ARHGAP10: variants seen among roughly 807,000 people sequenced by gnomAD.
ARHGAP10 encodes the protein rho GTPase-activating protein 10.
A neutral mutation model predicts 108.6 loss-of-function variants in ARHGAP10; 87 were observed. The ratio of observed to expected loss-of-function variants is 0.80; its 90% CI spans 0.67 to 0.96. The LOEUF is 0.96. Among genes scored for constraint, ARHGAP10 ranks in the 40% least tolerant of loss-of-function variants. The pLI, the probability that ARHGAP10 is intolerant of heterozygous loss-of-function variation, is 0.00. For synonymous variants in ARHGAP10, 347 were observed against 341.1 expected (o/e 1.02, Z -0.19); for missense variants, 939 against 954.5 (o/e 0.98, Z 0.21).
At chr4:147,743,717 C>T (rs1247342627) in intron 1 of ARHGAP10, among the ~76,000 whole-genome samples, 5 of 152,246 alleles carry the variant, frequency 3.3e-5, no homozygotes, top group South Asian at 4.1e-4. Flanking sequence ...GCAGAGGTTG[C>T]GGTGAGCCAA....
chr4:147,846,653 A>G (rs1437614331), intron 3 of ARHGAP10, among the ~76,000 whole-genome samples: 1 of 152,182 alleles, frequency 6.6e-6, no homozygotes, highest in Non-Finnish European at 1.5e-5. Context: ...CAGTGACTCT[A>G]CTTTGCTAAT....
At chr4:147,791,256 C>G (rs1307008799) in intron 1 of ARHGAP10, among the ~76,000 whole-genome samples, 1 of 151,562 alleles carries the variant, frequency 6.6e-6, no homozygotes, top group African/African-American at 2.4e-5. Context: ...GGATTACAAG[C>G]GCCTGCCACC....
intron 3 of ARHGAP10, among the ~76,000 whole-genome samples, chr4:147,846,170 T>A (rs1444764970): frequency 6.6e-6 from 1 of 152,186 alleles, no homozygotes; most frequent in Non-Finnish European, 1.5e-5. Flanking sequence ...ATTTTGAGTG[T>A]TCCCTACGTT....
At chr4:147,837,946 C>T (rs543410231) in intron 3 of ARHGAP10, among the ~76,000 whole-genome samples, 14 of 152,104 alleles carry the variant, frequency 9.2e-5, no homozygotes, top group African/African-American at 2.2e-4. Flanking sequence ...AACTTGAACA[C>T]GTATACTTTT....
chr4:147,915,705 AAT>A (rs1180924340), intron 13 of ARHGAP10, among the ~76,000 whole-genome samples: 1 of 152,160 alleles, frequency 6.6e-6, no homozygotes, highest in African/African-American at 2.4e-5. Context: ...TTTCTTTTTG[AAT>A]ATTTTTCCCC....
chr4:147,778,800 G>T (rs1730413626), intron 1 of ARHGAP10, among the ~76,000 whole-genome samples: 1 of 152,246 alleles, frequency 6.6e-6, no homozygotes, highest in South Asian at 2.1e-4. Flanking sequence ...TTTAATAAGT[G>T]TTGAGTGAGT....
chr4:147,918,319 TAG>T (rs1416741017), intron 13 of ARHGAP10, among the ~76,000 whole-genome samples: 1 of 151,950 alleles, frequency 6.6e-6, no homozygotes, highest in Non-Finnish European at 1.5e-5. Flanking sequence ...GTATTTTTAG[TAG>T]AGACAGGGTT....
At chr4:147,835,237 T>A (rs1346279500) in intron 3 of ARHGAP10, among the ~76,000 whole-genome samples, 2 of 152,218 alleles carry the variant, frequency 1.3e-5, no homozygotes, top group Non-Finnish European at 2.9e-5. Flanking sequence ...TTTTCAACCC[T>A]GCAGCCCTTG....
intron 18 of ARHGAP10, among the ~76,000 whole-genome samples, chr4:147,997,432 T>C (rs1238897151): frequency 6.6e-6 from 1 of 151,900 alleles, no homozygotes; most frequent in Non-Finnish European, 1.5e-5. Flanking sequence ...ACAACAGACA[T>C]CCAAAACAAC....
chr4:147,736,867 G>A (rs1394443834), intron 1 of ARHGAP10, among the ~76,000 whole-genome samples: 1 of 152,090 alleles, frequency 6.6e-6, no homozygotes, highest in Non-Finnish European at 1.5e-5. Context: ...GTGACAGGAA[G>A]TCTGGGTACT....
At chr4:147,893,470 A>G (rs891667824) in intron 10 of ARHGAP10, among the ~76,000 whole-genome samples, 1 of 147,656 alleles carries the variant, frequency 6.8e-6, no homozygotes, top group East Asian at 1.9e-4. Flanking sequence ...ATATAATACT[A>G]TTCTATATAT....
intron 20 of ARHGAP10, among the ~76,000 whole-genome samples, chr4:148,058,717 G>A (rs911095316): frequency 2.6e-5 from 4 of 152,208 alleles, no homozygotes; most frequent in African/African-American, 9.7e-5. Flanking sequence ...ATGGACTGCT[G>A]ATCTGTTCCA....
At chr4:147,868,404 T>G (rs1266402977) in intron 7 of ARHGAP10, among the ~76,000 whole-genome samples, 1 of 151,900 alleles carries the variant, frequency 6.6e-6, no homozygotes, top group African/African-American at 2.4e-5. Context: ...ACCCAGCTAA[T>G]TTTTTTTCTT....
intron 1 of ARHGAP10, among the ~76,000 whole-genome samples, chr4:147,791,488 C>CCTAA (rs959347034): frequency 5.7e-4 from 87 of 152,230 alleles, no homozygotes; most frequent in African/African-American, 2.0e-3. Flanking sequence ...TTTTTAAAAA[C>CCTAA]CTAACATATA....
At chr4:147,993,818 C>T (rs1189462050) in intron 18 of ARHGAP10, among the ~76,000 whole-genome samples, 1 of 152,222 alleles carries the variant, frequency 6.6e-6, no homozygotes, top group African/African-American at 2.4e-5. Flanking sequence ...ATACAAAACT[C>T]TTTTTCCTAA....
chr4:147,813,252 A>G (rs546322060), intron 1 of ARHGAP10, among the ~76,000 whole-genome samples: 7 of 152,016 alleles, frequency 4.6e-5, no homozygotes, highest in African/African-American at 1.7e-4. Context: ...CCGAGTTGTC[A>G]CTCATGGCCT....
chr4:147,915,475 A>G (rs528157409), intron 13 of ARHGAP10, among the ~76,000 whole-genome samples: 4 of 152,294 alleles, frequency 2.6e-5, no homozygotes, highest in Admixed American at 2.6e-4. Flanking sequence ...GGCATGTTTT[A>G]TACATACTTA....
intron 19 of ARHGAP10, among the ~76,000 whole-genome samples, chr4:148,034,427 C>T (rs1174882983): frequency 6.6e-6 from 1 of 152,116 alleles, no homozygotes; most frequent in Non-Finnish European, 1.5e-5. Flanking sequence ...AAGTGATTCT[C>T]CTGCCTCAGC....
chr4:148,009,347 G>C, intron 18 of ARHGAP10, among the ~76,000 whole-genome samples: 1 of 152,082 alleles, frequency 6.6e-6, no homozygotes, highest in Non-Finnish European at 1.5e-5. Context: ...GGCCAGTCTG[G>C]TCTCCAACTC....
Sources: allele counts gnomAD v4.1 joint callset (sites outside exome capture counted in the v4.1 genomes callset), GRCh38; gene constraint gnomAD v4.1.1; transcripts MANE v1.5; gene names NCBI Gene and HGNC (gene_info 2026-07-23, HGNC 2026-07-21).